The following CADM2 variants were observed in gnomAD, a reference collection of about 807,000 sequenced individuals.
CADM2 encodes the protein immunoglobulin superfamily member 4D.
A neutral mutation model predicts 49.8 loss-of-function variants in CADM2; 12 were observed. The observed-to-expected ratio is 0.24, with a 90% confidence interval of 0.15 to 0.39. CADM2 has a LOEUF of 0.39. CADM2 is among the 10% of genes least tolerant of loss of function. CADM2 has a pLI of 1.00. For missense variants in CADM2, 378 were observed against 492.3 expected (o/e 0.77, Z 2.20); for synonymous variants, 214 against 175.4 (o/e 1.22, Z -1.74).
chr3:85,133,238 A>G (rs1559680831), intron 1 of CADM2, among the ~76,000 whole-genome samples: 2 of 152,146 alleles, frequency 1.3e-5, no homozygotes, highest in Admixed American at 1.3e-4. Flanking sequence ...GTGGATGGGG[A>G]CCCCAGAGGT....
chr3:85,612,701 A>G (rs1420804563), intron 1 of CADM2, among the ~76,000 whole-genome samples: 1 of 151,830 alleles, frequency 6.6e-6, no homozygotes, highest in Non-Finnish European at 1.5e-5. Context: ...ACAATTTATT[A>G]TGATTTGATT....
intron 8 of CADM2, among the ~76,000 whole-genome samples, chr3:86,049,824 T>C (rs886355058): frequency 1.3e-5 from 2 of 152,164 alleles, no homozygotes; most frequent in Admixed American, 1.3e-4. Context: ...CATGAGAAAC[T>C]GCTCCCATGA....
At chr3:85,377,051 A>C (rs1038056633) in intron 1 of CADM2, among the ~76,000 whole-genome samples, 1 of 152,078 alleles carries the variant, frequency 6.6e-6, no homozygotes, top group African/African-American at 2.4e-5. Flanking sequence ...GTTTACATTA[A>C]ATTTGCTCTT....
intron 1 of CADM2, among the ~76,000 whole-genome samples, chr3:85,655,292 C>A (rs2065162696): frequency 1.3e-5 from 2 of 151,960 alleles, no homozygotes; most frequent in African/African-American, 4.8e-5. Context: ...ATCCAAGTAG[C>A]TGGGACTCCA....
At chr3:85,876,929 T>C (rs967332815) in intron 3 of CADM2, among the ~76,000 whole-genome samples, 2 of 152,198 alleles carry the variant, frequency 1.3e-5, no homozygotes, top group Non-Finnish European at 2.9e-5. Flanking sequence ...TTTATTTTAT[T>C]CAGCATGAAT....
At chr3:85,727,021 A>C (rs938664004) in intron 2 of CADM2, among the ~76,000 whole-genome samples, 1 of 152,072 alleles carries the variant, frequency 6.6e-6, no homozygotes, top group Non-Finnish European at 1.5e-5. Flanking sequence ...TTTTAGTTGC[A>C]TTGTTTGACT....
chr3:85,448,026 A>T (rs1224776722), intron 1 of CADM2, among the ~76,000 whole-genome samples: 1 of 152,118 alleles, frequency 6.6e-6, no homozygotes, highest in African/African-American at 2.4e-5. Flanking sequence ...ATGATGGTTT[A>T]ATTGCACAAA....
intron 1 of CADM2, among the ~76,000 whole-genome samples, chr3:85,595,596 A>G (rs1308792896): frequency 6.6e-6 from 1 of 152,036 alleles, no homozygotes; most frequent in Non-Finnish European, 1.5e-5. Context: ...TGCAAAGTAT[A>G]GGAATTGTCC....
At chr3:85,783,178 GA>G (rs1175983949) in intron 2 of CADM2, among the ~76,000 whole-genome samples, 1 of 151,910 alleles carries the variant, frequency 6.6e-6, no homozygotes, top group Non-Finnish European at 1.5e-5. Flanking sequence ...TTTTTATCTT[GA>G]AACAACCAGC....
At chr3:85,564,866 T>C (rs2062207650) in intron 1 of CADM2, among the ~76,000 whole-genome samples, 1 of 151,938 alleles carries the variant, frequency 6.6e-6, no homozygotes, top group Non-Finnish European at 1.5e-5. Flanking sequence ...CTTGGAGGAG[T>C]GTGAACTATA....
At chr3:85,350,813 T>C (rs2031266312) in intron 1 of CADM2, among the ~76,000 whole-genome samples, 1 of 152,108 alleles carries the variant, frequency 6.6e-6, no homozygotes. Flanking sequence ...CTACATATCA[T>C]ACTGTCAAGC....
intron 5 of CADM2, among the ~76,000 whole-genome samples, chr3:85,895,356 C>T (rs572709678): frequency 6.6e-6 from 1 of 152,302 alleles, no homozygotes; most frequent in South Asian, 2.1e-4. Flanking sequence ...TGCACAGGGC[C>T]TGTAGATCCT....
intron 1 of CADM2, among the ~76,000 whole-genome samples, chr3:85,544,755 C>T (rs939094430): frequency 2.6e-5 from 4 of 151,396 alleles, no homozygotes; most frequent in African/African-American, 7.3e-5. Flanking sequence ...TGACAATGGG[C>T]CACTTTTACA....
At chr3:85,037,545 T>C (rs1320301859) in intron 1 of CADM2, among the ~76,000 whole-genome samples, 1 of 152,200 alleles carries the variant, frequency 6.6e-6, no homozygotes, top group African/African-American at 2.4e-5. Flanking sequence ...TTTCAAATGA[T>C]CTCTGCAATG....
intron 3 of CADM2, among the ~76,000 whole-genome samples, chr3:85,881,780 G>A (rs1049194871): frequency 1.3e-5 from 2 of 152,154 alleles, no homozygotes; most frequent in Non-Finnish European, 1.5e-5. Flanking sequence ...CCAGGAACCA[G>A]TTTTGTGGAA....
chr3:85,699,162 C>T (rs2066666824), intron 1 of CADM2, among the ~76,000 whole-genome samples: 1 of 152,182 alleles, frequency 6.6e-6, no homozygotes, highest in Non-Finnish European at 1.5e-5. Flanking sequence ...CACGCTGGTG[C>T]AAGGGATGGG....
At chr3:85,316,644 ATTAAT>A (rs919116813) in intron 1 of CADM2, among the ~76,000 whole-genome samples, 3 of 152,124 alleles carry the variant, frequency 2.0e-5, no homozygotes, top group Non-Finnish European at 2.9e-5. Context: ...TTGTAATTTA[ATTAAT>A]TTAATTTTGA....
At chr3:85,846,850 A>C (rs538124138) in intron 3 of CADM2, among the ~76,000 whole-genome samples, 5 of 152,264 alleles carry the variant, frequency 3.3e-5, no homozygotes, top group Admixed American at 6.5e-5. Context: ...TGACAGAGTA[A>C]GATACCATGT....
intron 8 of CADM2, among the ~76,000 whole-genome samples, chr3:85,968,581 C>A (rs557374561): frequency 1.3e-5 from 2 of 151,638 alleles, no homozygotes; most frequent in East Asian, 3.9e-4. Flanking sequence ...ACAATTTCAT[C>A]ATTAAAAAAA....
Sources: gnomAD v4.1 joint callset for allele counts (sites outside exome capture counted in the v4.1 genomes callset) on GRCh38, gnomAD v4.1.1 for gene constraint, MANE v1.5 for transcripts, NCBI Gene and HGNC (gene_info 2026-07-23, HGNC 2026-07-21) for gene names.